DTWD1: variants seen among roughly 807,000 people sequenced by gnomAD.
DTWD1 encodes the protein tRNA-uridine aminocarboxypropyltransferase 1.
DTWD1 carries 27 observed loss-of-function variants against 30.2 expected under a neutral mutation model. The ratio of observed to expected loss-of-function variants is 0.90; its 90% CI spans 0.66 to 1.23. The LOEUF (loss-of-function observed/expected upper bound fraction) is 1.23, where lower values mean the gene tolerates loss of function less well. Among genes scored for constraint, DTWD1 ranks in the 50% most tolerant of loss-of-function variants. The probability of loss-of-function intolerance (pLI) is 0.00; values close to 1 mark genes in which losing one functional copy is unlikely to be tolerated. For missense variants in DTWD1, 342 were observed against 348.8 expected (o/e 0.98, Z 0.15); for synonymous variants, 99 against 113.1 (o/e 0.88, Z 0.79).
intron 4 of DTWD1, among the ~76,000 whole-genome samples, chr15:49,637,435 A>G (rs1598661065): frequency 6.6e-6 from 1 of 152,162 alleles, no homozygotes; most frequent in African/African-American, 2.4e-5. Context: ...GTTTCTTTTA[A>G]TAGGAAATGG....
At chr15:49,643,259 A>G in intron 4 of DTWD1, 72 bp from the exon 5 acceptor site, 1 of 1,415,950 alleles carries the variant, frequency 7.1e-7, no homozygotes, top group Non-Finnish European at 9.3e-7. Flanking sequence ...TTATTGTACC[A>G]AGCCTGTGGT....
rs186486374 is a variant in DTWD1, at chr15:49,653,862, T to C, written c.*10284T>C. 1.3e-5 allele frequency: 2 copies of C among 152,192 alleles called. No homozygotes were observed. Among genetic ancestry groups the C allele is most frequent in the East Asian group, 3.9e-4 (2 of 5,152 alleles). The allele number at this position is 152,192 out of a possible 1,614,324, so 9.4% of individuals were successfully genotyped here. On this transcript the variant is annotated 3_prime_UTR_variant, in exon 5 of 5. Transcript: ENST00000403028. ...AGAGGAAATTTTTCAACCTAGTACT[T>C]GTCATTTTTTTATAGAAAAGGAAAA...
At chr15:49,624,321 C>T (rs1052847169) in intron 1 of DTWD1, among the ~76,000 whole-genome samples, 5 of 152,142 alleles carry the variant, frequency 3.3e-5, no homozygotes, top group African/African-American at 1.2e-4. Flanking sequence ...CATATCGAAT[C>T]AATAGGGCAC....
rs1423556471 is a variant in DTWD1 at position 49,651,646 on chromosome 15, G to A, written c.*8068G>A. 6.6e-6 allele frequency: 1 copy of A among 152,110 alleles called. No individual in the cohort carries two copies. The highest frequency in any genetic ancestry group is 1.5e-5 in the Non-Finnish European group (1 of 68,028). 9.4% of individuals were successfully genotyped at this position (152,110 alleles called of 1,614,324 possible). On this transcript the variant is annotated 3_prime_UTR_variant, in exon 5 of 5. Transcript: ENST00000403028. ...GTTACATTGGGCCCCTTCCACACTG[G>A]AAGGACCAGCATTTCCTTGTCATAG...
intron 1 of DTWD1, among the ~76,000 whole-genome samples, chr15:49,624,331 C>T (rs1315795253): frequency 6.6e-6 from 1 of 152,050 alleles, no homozygotes; most frequent in Non-Finnish European, 1.5e-5. Context: ...CAATAGGGCA[C>T]CAGTGTTGTT....
intron 2 of DTWD1, chr15:49,630,946 T>A (rs774267360): frequency 4.6e-6 from 2 of 436,138 alleles, no homozygotes; most frequent in Non-Finnish European, 4.6e-6. Context: ...CTAGATTGCA[T>A]GCTCCTTAGG....
chr15:49,650,175 G>GA lies in DTWD1; in HGVS notation c.*6603dup, dbSNP rs2079145017. ...CTAGTTTGGAACAGTGTGTGGGAGG[G>GA]AAAAAATGATAGAAGATGACATCAT... On this transcript the variant is annotated 3_prime_UTR_variant, in exon 5 of 5. Coordinates refer to ENST00000403028, the MANE Select transcript of DTWD1 (RefSeq NM_001144955.2). 3 of 152,128 alleles carry GA rather than the reference G, an allele frequency of 2.0e-5. No homozygotes were observed. The highest frequency in any genetic ancestry group is 3.9e-4 in the East Asian group (2 of 5,164). The allele number at this position is 152,128 out of a possible 1,614,324, so 9.4% of individuals were successfully genotyped here.
Position 49,651,592 on chromosome 15 carries a change from A to C in DTWD1, c.*8014A>C, listed in dbSNP as rs2079152596. On this transcript the variant is annotated 3_prime_UTR_variant, in exon 5 of 5. Coordinates refer to ENST00000403028, the MANE Select transcript of DTWD1 (RefSeq NM_001144955.2). Reference sequence around the variant, plus strand: ...CAACACAGACAATACTGCACCCCTGATATAATACCATTCTTCAATATCAAG... The same window carrying C: ...CAACACAGACAATACTGCACCCCTGCTATAATACCATTCTTCAATATCAAG... 1 of 152,132 alleles carries C rather than the reference A, an allele frequency of 6.6e-6. No homozygotes were observed. The highest frequency in any genetic ancestry group is 2.1e-4 in the South Asian group (1 of 4,832). The allele number at this position is 152,132 out of a possible 1,614,324, so 9.4% of individuals were successfully genotyped here.
At chr15:49,639,327 A>C (rs1375271407) in intron 4 of DTWD1, among the ~76,000 whole-genome samples, 1 of 152,152 alleles carries the variant, frequency 6.6e-6, no homozygotes, top group African/African-American at 2.4e-5. Flanking sequence ...TTGGGAGATG[A>C]AGGTGGGAGT....
intron 2 of DTWD1, chr15:49,630,969 C>G (rs2078912463): frequency 2.2e-6 from 1 of 446,586 alleles, no homozygotes; most frequent in South Asian, 1.6e-5. Flanking sequence ...AATCCAATGC[C>G]TGAAGATCTG....
Position 49,643,306 on chromosome 15 carries a change from C to CTTTTTT in DTWD1, c.668-11_668-6dup, listed in dbSNP as rs5812490. ...ATTTATATTTTTTCTTTCTTTCTTT[C>CTTTTTT]TTTTTTTTTTTTTTTTTTTGACAGG... is the stretch of plus-strand genomic sequence containing the variant. On this transcript the variant is annotated intron_variant, in intron 4 of 4. Transcript: ENST00000403028. 418 of 1,201,794 alleles carry CTTTTTT rather than the reference C, an allele frequency of 3.5e-4. 6 individuals carry two copies. Among genetic ancestry groups the CTTTTTT allele is most frequent in the South Asian group, 2.2e-3 (105 of 47,208 alleles). The allele number at this position is 1,201,794 out of a possible 1,614,324, so 74.4% of individuals were successfully genotyped here. A position where few individuals can be genotyped will look rare whatever the true frequency, so the allele number is the denominator to read the frequency against.
Position 49,650,333 on chromosome 15 carries a change from T to C in DTWD1, c.*6755T>C, listed in dbSNP as rs1228320977. ...TATTTTTAAAGGATTATTTGGCTTC[T>C]TTATGAAAAATAGACTGCAAGAGAG... On this transcript the variant is annotated 3_prime_UTR_variant, in exon 5 of 5. Coordinates refer to ENST00000403028, the MANE Select transcript of DTWD1 (RefSeq NM_001144955.2). The C allele has an allele frequency of 1.3e-5, 2 of 152,106 alleles. No homozygotes were observed. The highest frequency in any genetic ancestry group is 2.4e-5 in the African/African-American group (1 of 41,414). 9.4% of individuals were successfully genotyped at this position (152,106 alleles called of 1,614,324 possible).
intron 1 of DTWD1, among the ~76,000 whole-genome samples, chr15:49,623,235 G>A (rs544093657): frequency 3.9e-5 from 6 of 152,218 alleles, no homozygotes; most frequent in African/African-American, 1.4e-4. Flanking sequence ...CATTTTTTAG[G>A]ATGAATCCCA....
chr15:49,622,841 A>G (rs1263647567), intron 1 of DTWD1, among the ~76,000 whole-genome samples: 1 of 152,178 alleles, frequency 6.6e-6, no homozygotes, highest in Non-Finnish European at 1.5e-5. Flanking sequence ...ATATAGGTGA[A>G]CTAAGAGGTG....
chr15:49,651,665 G>C lies in DTWD1; in HGVS notation c.*8087G>C, dbSNP rs1271848790. ...ACACTGGAAGGACCAGCATTTCCTT[G>C]TCATAGAAATAGACACAATTTCCAG... is the stretch of plus-strand genomic sequence containing the variant. On this transcript the variant is annotated 3_prime_UTR_variant, in exon 5 of 5. Transcript: ENST00000403028. The C allele has an allele frequency of 6.6e-6, 1 of 152,110 alleles. No individual in the cohort carries two copies. The highest frequency in any genetic ancestry group is 2.4e-5 in the African/African-American group (1 of 41,414). The allele number at this position is 152,110 out of a possible 1,614,324, so 9.4% of individuals were successfully genotyped here. A position where few individuals can be genotyped will look rare whatever the true frequency, so the allele number is the denominator to read the frequency against.
At position 49,653,618 on chromosome 15, in the gene DTWD1, G is replaced by A. The variant is rs1358784324; in HGVS notation, c.*10040G>A. On this transcript the variant is annotated 3_prime_UTR_variant, in exon 5 of 5. Transcript: ENST00000403028. Reference sequence around the variant, plus strand: ...AATTATTGAATTATTGAAATAAATGGAGGATTGAGTTATGCATTGACAGAA... The same window carrying A: ...AATTATTGAATTATTGAAATAAATGAAGGATTGAGTTATGCATTGACAGAA... The A allele has an allele frequency of 6.6e-6, 1 of 152,130 alleles. No homozygotes were observed. The highest frequency in any genetic ancestry group is 2.4e-5 in the African/African-American group (1 of 41,440). The allele number at this position is 152,130 out of a possible 1,614,324, so 9.4% of individuals were successfully genotyped here.
intron 3 of DTWD1, among the ~76,000 whole-genome samples, chr15:49,633,045 A>ATCTATC (rs1555588592): frequency 1.0e-5 from 1 of 99,920 alleles, no homozygotes; most frequent in African/African-American, 3.0e-5. Context: ...ATTTATATCT[A>ATCTATC]TATCTATATA....
chr15:49,633,228 A>G (rs192638184), intron 3 of DTWD1, among the ~76,000 whole-genome samples: 5 of 151,938 alleles, frequency 3.3e-5, no homozygotes, highest in African/African-American at 9.7e-5. Context: ...TGATACGCTT[A>G]TAATTTAAGA....
At chr15:49,640,879 A>T (rs1193144782) in intron 4 of DTWD1, among the ~76,000 whole-genome samples, 2 of 152,010 alleles carry the variant, frequency 1.3e-5, no homozygotes, top group Non-Finnish European at 2.9e-5. Context: ...AGGAAAAAAA[A>T]CTTTTAGTGT....
Sources: gnomAD v4.1 joint callset for allele counts (sites outside exome capture counted in the v4.1 genomes callset) on GRCh38, gnomAD v4.1.1 for gene constraint, MANE v1.5 for transcripts, NCBI Gene and HGNC (gene_info 2026-07-23, HGNC 2026-07-21) for gene names.